Variants in TNS3 observed in about 807,000 individuals in gnomAD.
TNS3 encodes the protein tensin 3.
TNS3 carries 45 observed loss-of-function variants against 140.9 expected under a neutral mutation model. The ratio of observed to expected loss-of-function variants is 0.32; its 90% CI spans 0.25 to 0.41. The LOEUF (loss-of-function observed/expected upper bound fraction) is 0.41. Among genes scored for constraint, TNS3 ranks in the 10% least tolerant of loss-of-function variants. The pLI is 1.00. For synonymous variants in TNS3, 815 were observed against 788.4 expected, an observed-to-expected ratio of 1.03 and a Z score of -0.56; for missense variants, 1,716 against 1,906.7, an observed-to-expected ratio of 0.90 and a Z score of 1.86.
chr7:47,353,964 GAAAC>G (rs146126399), intron 17 of TNS3, among the ~76,000 whole-genome samples: 60 of 142,312 alleles, frequency 4.2e-4, no homozygotes, highest in African/African-American at 1.2e-3. Flanking sequence ...GCATCAAAAG[GAAAC>G]AAACAAACAA....
intron 4 of TNS3, among the ~76,000 whole-genome samples, chr7:47,480,104 C>T (rs1485587179): frequency 6.6e-6 from 1 of 152,244 alleles, no homozygotes; most frequent in Non-Finnish European, 1.5e-5. Context: ...TGTCCTACTG[C>T]ACCACAAGAC....
chr7:47,534,172 G>A (rs1243964788), intron 1 of TNS3, among the ~76,000 whole-genome samples: 1 of 152,038 alleles, frequency 6.6e-6, no homozygotes, highest in Non-Finnish European at 1.5e-5. Flanking sequence ...TACTCAGGAG[G>A]CTGAGGGAGG....
intron 1 of TNS3, among the ~76,000 whole-genome samples, chr7:47,565,600 C>G (rs979463791): frequency 6.6e-6 from 1 of 152,092 alleles, no homozygotes; most frequent in African/African-American, 2.4e-5. Context: ...CTCCTGACCT[C>G]GGGTGATCAG....
At chr7:47,465,923 T>C (rs1435260877) in intron 4 of TNS3, among the ~76,000 whole-genome samples, 2 of 137,192 alleles carry the variant, frequency 1.5e-5, no homozygotes, top group Admixed American at 7.0e-5. Flanking sequence ...AAACTCCGTC[T>C]AAAAATAAAT....
intron 16 of TNS3, among the ~76,000 whole-genome samples, chr7:47,378,579 G>A (rs1477777736): frequency 1.3e-5 from 2 of 152,136 alleles, no homozygotes; most frequent in Non-Finnish European, 2.9e-5. Context: ...AGCAATGATG[G>A]CAAAAGCAGC....
At chr7:47,546,225 C>T (rs1490720638) in intron 1 of TNS3, among the ~76,000 whole-genome samples, 1 of 152,228 alleles carries the variant, frequency 6.6e-6, no homozygotes, top group African/African-American at 2.4e-5. Flanking sequence ...CAACCGACCT[C>T]AAAAGCTTCT....
intron 2 of TNS3, among the ~76,000 whole-genome samples, chr7:47,526,168 T>TAAAGTATTAAA (rs1436926240): frequency 6.6e-6 from 1 of 152,244 alleles, no homozygotes; most frequent in Non-Finnish European, 1.5e-5. Flanking sequence ...AACAGAATAC[T>TAAAGTATTAAA]GAAGTATTAA....
At chr7:47,314,618 T>C (rs978834975) in intron 20 of TNS3, among the ~76,000 whole-genome samples, 2 of 152,236 alleles carry the variant, frequency 1.3e-5, no homozygotes, top group African/African-American at 4.8e-5. Context: ...GTACATTTGA[T>C]GTTCACGGTT....
At chr7:47,287,051 T>C (rs1259018895) in intron 27 of TNS3, among the ~76,000 whole-genome samples, 1 of 152,144 alleles carries the variant, frequency 6.6e-6, no homozygotes, top group East Asian at 1.9e-4. Flanking sequence ...GTAGTTCATT[T>C]TTCCTTTTCT....
intron 16 of TNS3, among the ~76,000 whole-genome samples, chr7:47,373,789 A>G (rs1395104920): frequency 6.6e-6 from 1 of 152,266 alleles, no homozygotes. Flanking sequence ...TGACAGGCTA[A>G]AAGTTTGAGC....
chr7:47,540,866 T>C (rs1421931349), intron 1 of TNS3, among the ~76,000 whole-genome samples: 1 of 152,126 alleles, frequency 6.6e-6, no homozygotes, highest in Non-Finnish European at 1.5e-5. Flanking sequence ...GTGAGCAGGA[T>C]TGCACAAAGC....
chr7:47,532,886 AG>A (rs1041920173), intron 1 of TNS3, among the ~76,000 whole-genome samples: 1 of 152,068 alleles, frequency 6.6e-6, no homozygotes, highest in Non-Finnish European at 1.5e-5. Context: ...CATGAATTAT[AG>A]GTAATAAGCA....
At chr7:47,460,381 G>C (rs1299815245) in intron 4 of TNS3, among the ~76,000 whole-genome samples, 2 of 152,190 alleles carry the variant, frequency 1.3e-5, no homozygotes, top group Non-Finnish European at 2.9e-5. Context: ...CCAGCCTCCA[G>C]GACTGAGGGT....
At chr7:47,523,935 G>A (rs1480316083) in intron 2 of TNS3, among the ~76,000 whole-genome samples, 2 of 152,230 alleles carry the variant, frequency 1.3e-5, no homozygotes, top group East Asian at 1.9e-4. Flanking sequence ...TAAGAGGAGA[G>A]CAAGGAGTGA....
chr7:47,439,025 G>T (rs1031052714), intron 6 of TNS3, among the ~76,000 whole-genome samples: 1 of 152,204 alleles, frequency 6.6e-6, no homozygotes, highest in Non-Finnish European at 1.5e-5. Flanking sequence ...CCATCAACTC[G>T]ACAAGTGTGT....
chr7:47,479,483 C>T (rs1797333684), intron 4 of TNS3, among the ~76,000 whole-genome samples: 1 of 141,474 alleles, frequency 7.1e-6, no homozygotes, highest in Admixed American at 7.0e-5. Context: ...GCCCCCTACT[C>T]CCCCACCCCC....
chr7:47,310,308 G>C (rs553066484), intron 20 of TNS3, among the ~76,000 whole-genome samples: 2 of 152,308 alleles, frequency 1.3e-5, no homozygotes, highest in South Asian at 2.1e-4. Flanking sequence ...TCTCTTAGTG[G>C]ATGCTAAGTA....
intron 10 of TNS3, among the ~76,000 whole-genome samples, chr7:47,418,165 G>C (rs545477270): frequency 6.6e-6 from 1 of 152,298 alleles, no homozygotes; most frequent in Admixed American, 6.5e-5. Context: ...AGCTGGGCAT[G>C]GTGGCATGCG....
In TNS3 at chr7:47,303,035, C is replaced by T. The variant is rs770571896; in HGVS notation, c.3372G>A (p.Pro1124=). 6 of 1,613,844 alleles carry T rather than the reference C, an allele frequency of 3.7e-6. No homozygotes were observed. The highest frequency in any genetic ancestry group is 3.3e-5 in the South Asian group (3 of 91,082). The change falls in exon 22 of 31, where the codon CCG becomes CCA. Residue 1124 remains proline (P), a synonymous_variant. Coordinates refer to ENST00000311160, the MANE Select transcript of TNS3 (RefSeq NM_022748.12). ...GGATACTGATGGTGCTCCCGCTGTG[C>T]GGGCTGGAGAAGCCACTGGAGGAGG... ...VSPSSSGFSS[P]HSGSTISIPF... is the part of the protein sequence containing the mutation.
Sources: allele counts gnomAD v4.1 joint callset (sites outside exome capture counted in the v4.1 genomes callset), GRCh38; gene constraint gnomAD v4.1.1; transcripts MANE v1.5; gene names NCBI Gene and HGNC (gene_info 2026-07-23, HGNC 2026-07-21).